SEMA3D: variants seen among roughly 807,000 people sequenced by gnomAD.
SEMA3D encodes the protein semaphorin-3D.
SEMA3D carries 84 observed loss-of-function variants against 100.1 expected under a neutral mutation model. The ratio of observed to expected loss-of-function variants is 0.84; its 90% confidence interval spans 0.70 to 1.01. The LOEUF is 1.01. Ranked by LOEUF, SEMA3D falls within the 50% of genes least tolerant of loss-of-function variation. SEMA3D has a pLI of 0.00. For synonymous variants in SEMA3D, 312 were observed against 320.7 expected (o/e 0.97, Z 0.29); for missense variants, 875 against 934.1 (o/e 0.94, Z 0.82).
At chr7:85,098,663 A>T (rs996110681) in intron 3 of SEMA3D, among the ~76,000 whole-genome samples, 12 of 152,008 alleles carry the variant, frequency 7.9e-5, no homozygotes, top group Admixed American at 2.6e-4. Flanking sequence ...TACAATCAAT[A>T]AACCTACACT....
chr7:85,205,882 C>T, the SEMA3D span, among the ~76,000 whole-genome samples: 1 of 152,088 alleles, frequency 6.6e-6, no homozygotes, highest in Non-Finnish European at 1.5e-5. Flanking sequence ...TGTCTCAGCC[C>T]TCACTGTTTC....
chr7:85,070,858 G>T (rs565843861), intron 6 of SEMA3D, among the ~76,000 whole-genome samples: 1 of 152,134 alleles, frequency 6.6e-6, no homozygotes, highest in Non-Finnish European at 1.5e-5. Flanking sequence ...TTGGCTCACT[G>T]CAACCTCCGC....
intron 3 of SEMA3D, among the ~76,000 whole-genome samples, chr7:85,099,791 C>G (rs1481301226): frequency 1.3e-5 from 2 of 151,880 alleles, no homozygotes; most frequent in Admixed American, 6.6e-5. Flanking sequence ...TATGGAGAAT[C>G]TTTTCATACG....
rs189995428 is a variant in SEMA3D, at chr7:85,167,358, C to T, written c.-172-13619G>A. On this transcript the variant is annotated intron_variant, in intron 1 of 18. Coordinates refer to ENST00000284136, the MANE Select transcript of SEMA3D (RefSeq NM_001384900.1). ...CTCATAGAAACATAAAGCATTTCAA[C>T]GGGAATGAAGGAAAGTAATGAGAAA... 38 of 983,548 alleles carry T rather than the reference C, an allele frequency of 3.9e-5. No homozygotes were observed. The Admixed American group carries it at 9.9e-4, about 26-fold the overall frequency. The allele number at this position is 983,548 out of a possible 1,614,324, so 60.9% of individuals were successfully genotyped here.
chr7:85,118,528 C>A (rs993312), intron 3 of SEMA3D, among the ~76,000 whole-genome samples: 34,529 of 151,984 alleles, frequency 0.23, 4,234 homozygotes, highest in East Asian at 0.39. Flanking sequence ...ACTGGAAGAT[C>A]ATTTCAATCC....
intron 9 of SEMA3D, among the ~76,000 whole-genome samples, chr7:85,043,288 G>T (rs1308473679): frequency 6.6e-6 from 1 of 152,182 alleles, no homozygotes; most frequent in East Asian, 1.9e-4. Flanking sequence ...AAGCCCAGGG[G>T]GTTGAGGCTG....
chr7:85,112,392 T>C (rs755658035), intron 3 of SEMA3D, among the ~76,000 whole-genome samples: 1 of 152,202 alleles, frequency 6.6e-6, no homozygotes, highest in African/African-American at 2.4e-5. Flanking sequence ...TCAATGAATA[T>C]ACGTTTAAGA....
intron 6 of SEMA3D, among the ~76,000 whole-genome samples, chr7:85,071,793 T>C (rs1490293634): frequency 6.6e-6 from 1 of 152,222 alleles, no homozygotes; most frequent in Non-Finnish European, 1.5e-5. Context: ...AATAGGGTAA[T>C]GTAATCTCAT....
At chr7:85,198,036 A>C in the SEMA3D span, among the ~76,000 whole-genome samples, 1 of 152,216 alleles carries the variant, frequency 6.6e-6, no homozygotes, top group African/African-American at 2.4e-5. Context: ...GGTTTTCACC[A>C]TACAAAGCCT....
chr7:85,078,952 T>C (rs536903113), intron 5 of SEMA3D, among the ~76,000 whole-genome samples: 2 of 152,296 alleles, frequency 1.3e-5, no homozygotes, highest in East Asian at 3.9e-4. Flanking sequence ...GTAATGCTGT[T>C]AAAAATGAGG....
chr7:85,126,933 C>T lies in SEMA3D; in HGVS notation c.-40-5002G>A, dbSNP rs534063833. Among the ~76,000 whole-genome samples the T allele has an allele frequency of 7.2e-5, 11 of 152,196 alleles. No homozygotes were observed. In the South Asian group the frequency reaches 1.7e-3, roughly 23 times the overall value. On this transcript the variant is annotated intron_variant, in intron 2 of 18. Transcript: ENST00000284136. ...AACTTTCACATAAATTTATCCTATCCTTTCTAAGTTTCCTTCTGTGTATTT... is the reference window on the plus strand; with the variant it reads ...AACTTTCACATAAATTTATCCTATCTTTTCTAAGTTTCCTTCTGTGTATTT...
At chr7:85,086,614 TTCTC>T (rs147676385) in intron 4 of SEMA3D, among the ~76,000 whole-genome samples, 40 of 148,144 alleles carry the variant, frequency 2.7e-4, no homozygotes, top group African/African-American at 9.7e-4. Context: ...TCTAGTCTCT[TTCTC>T]TCTCTCTCTC....
At chr7:85,120,175 G>T (rs1381805822) in intron 3 of SEMA3D, among the ~76,000 whole-genome samples, 1 of 151,996 alleles carries the variant, frequency 6.6e-6, no homozygotes, top group Non-Finnish European at 1.5e-5. Flanking sequence ...TCTAGTTGAA[G>T]AGTTGTTTAT....
At chr7:85,140,266 C>T (rs1790008211) in intron 2 of SEMA3D, 2 of 930,978 alleles carry the variant, frequency 2.1e-6, no homozygotes, top group Admixed American at 6.2e-5. Context: ...AAGACTTCTG[C>T]ATTTTCTCTT....
At chr7:85,022,294 T>C (rs1790276050) in intron 13 of SEMA3D, 97 bp downstream of exon 13, 1 of 816,796 alleles carries the variant, frequency 1.2e-6, no homozygotes, top group South Asian at 1.6e-5. Flanking sequence ...AATTACTCAT[T>C]TTTATTTTGA....
chr7:85,163,457 C>G (rs1039700396), intron 1 of SEMA3D, among the ~76,000 whole-genome samples: 5 of 149,510 alleles, frequency 3.3e-5, no homozygotes, highest in Admixed American at 6.7e-5. Flanking sequence ...GAAATGGAAT[C>G]TGGAAAAAAA....
intron 3 of SEMA3D, among the ~76,000 whole-genome samples, chr7:85,110,621 C>T (rs1356436846): frequency 6.6e-6 from 1 of 151,912 alleles, no homozygotes; most frequent in African/African-American, 2.4e-5. Context: ...AATACATGTT[C>T]TAAATGTACC....
chr7:85,214,668 G>A, the SEMA3D span, among the ~76,000 whole-genome samples: 1 of 151,904 alleles, frequency 6.6e-6, no homozygotes, highest in Non-Finnish European at 1.5e-5. Flanking sequence ...GGCTAATTTT[G>A]TATTTTTAGT....
chr7:85,230,032 T>C, the SEMA3D span, among the ~76,000 whole-genome samples: 1 of 152,208 alleles, frequency 6.6e-6, no homozygotes, highest in Admixed American at 6.5e-5. Flanking sequence ...CCAATTAGAA[T>C]GAATATTTTG....
Sources: allele counts gnomAD v4.1 joint callset (sites outside exome capture counted in the v4.1 genomes callset), GRCh38; gene constraint gnomAD v4.1.1; transcripts MANE v1.5; gene names NCBI Gene and HGNC (gene_info 2026-07-23, HGNC 2026-07-21).